The following PHRF1 variants were observed in gnomAD, a reference collection of about 807,000 sequenced individuals.
The protein encoded by PHRF1 is PHD and ring finger domains 1.
Under a neutral mutation model 128.9 loss-of-function variants are expected in PHRF1, and 53 were observed. The ratio of observed to expected loss-of-function variants is 0.41; its 90% CI spans 0.33 to 0.52. The LOEUF (loss-of-function observed/expected upper bound fraction) is 0.52, where lower values mean the gene tolerates loss of function less well. PHRF1 is among the 20% of genes least tolerant of loss of function. The pLI, the probability that PHRF1 is intolerant of heterozygous loss-of-function variation, is 0.21. For synonymous variants in PHRF1, 1,178 were observed against 980.6 expected, an observed-to-expected ratio of 1.20 and a Z score of -3.76; for missense variants, 2,503 against 2,284.5, an observed-to-expected ratio of 1.10 and a Z score of -1.95.
chr11:598,660 C>T (rs1007280335), intron 9 of PHRF1, among the ~76,000 whole-genome samples, 158 bp downstream of exon 9: 1 of 152,314 alleles, frequency 6.6e-6, no homozygotes, highest in East Asian at 1.9e-4. Flanking sequence ...GCGCCGGGCC[C>T]GGGAGGTGTG....
At position 608,851 on chromosome 11, in the gene PHRF1, T is replaced by G. The variant is rs1030000171; in HGVS notation, c.3395T>G (p.Leu1132Arg). ...ECSPTSSLERLCRHKHQRERS... is the reference protein window; with the variant it reads ...ECSPTSSLERRCRHKHQRERS... ...TCCCCCACCAGCAGCCTGGAGAGGC[T>G]CTGCAGGCACAAGCATCAGCGGGAA... is the stretch of plus-strand genomic sequence containing the variant. The change falls in exon 14 of 18, where the codon CTC becomes CGC. Residue 1132 changes from leucine to arginine, a missense_variant. Leu to Arg is a moderately radical substitution (Grantham distance 102). Coordinates refer to ENST00000264555, the MANE Select transcript of PHRF1 (RefSeq NM_001286581.2). The G allele has an allele frequency of 1.9e-6, 3 of 1,612,032 alleles. No homozygotes were observed. Among genetic ancestry groups the G allele is most frequent in the Non-Finnish European group, 2.5e-6 (3 of 1,179,752 alleles).
chr11:608,267 C>A lies in PHRF1; in HGVS notation c.2811C>A (p.Pro937=). The A allele has an allele frequency of 1.2e-6, 2 of 1,610,152 alleles. No individual in the cohort carries two copies. Among genetic ancestry groups the A allele is most frequent in the Non-Finnish European group, 1.7e-6 (2 of 1,179,536 alleles). The change falls in exon 14 of 18, where the codon CCC becomes CCA. Residue 937 remains proline, a synonymous_variant. Coordinates refer to ENST00000264555, the MANE Select transcript of PHRF1 (RefSeq NM_001286581.2). ...CTGCCCGGCTGCGGAGGCCATCCCC[C>A]CCAGAGCCCTGGGATGAGGAGGATG... ...GLAARLRRPS[P]PEPWDEEDGA...
intron 9 of PHRF1, among the ~76,000 whole-genome samples, chr11:599,732 C>G (rs1855518390): frequency 6.6e-6 from 1 of 152,044 alleles, no homozygotes; most frequent in African/African-American, 2.4e-5. Flanking sequence ...TCCTGGGGCT[C>G]CAGGGGACTC....
chr11:610,956 C>T lies in PHRF1; in HGVS notation c.4680C>T (p.Tyr1560=), dbSNP rs199904786. The stretch of plus-strand genomic sequence containing the variant: ...CATCACACACATGTCCCCTCTAGTA[C>T]ATGAAGAAGCTGCACATGCAGGAGC... The part of the protein sequence containing the change: ...LAAEKTKKEE[Y]MKKLHMQERA... Residue 1560 remains tyrosine, a splice_region_variant and synonymous_variant, in exon 17 of 18, where the codon TAC becomes TAT. Transcript: ENST00000264555. 515 of 1,612,988 alleles carry T rather than the reference C, an allele frequency of 3.2e-4. 5 individuals carry two copies. In the East Asian group the frequency reaches 0.011, roughly 35 times the overall value.
At position 610,640 on chromosome 11, in the gene PHRF1, C is replaced by T. The variant is rs1392411070; in HGVS notation, c.4556C>T (p.Ala1519Val). 5 of 1,605,008 alleles carry T rather than the reference C, an allele frequency of 3.1e-6. No individual in the cohort carries two copies. The highest frequency in any genetic ancestry group is 4.2e-6 in the Non-Finnish European group (5 of 1,179,822). Reference sequence around the variant, plus strand: ...GGCTGTGGGGCAGCACAGACCCTGGCCCCAGTGCCCGCTGCCCTGACCCCA... The same window carrying T: ...GGCTGTGGGGCAGCACAGACCCTGGTCCCAGTGCCCGCTGCCCTGACCCCA... ...LVGCGAAQTL[A>V]PVPAALTPAS... The change falls in exon 16 of 18, where the codon GCC becomes GTC. Residue 1519 changes from alanine to valine, a missense_variant. Physicochemically the swap from Ala to Val is moderately conservative, Grantham distance 64. Transcript: ENST00000264555.
chr11:605,186 G>A lies in PHRF1; in HGVS notation c.1220G>A (p.Cys407Tyr). Residue 407 changes from cysteine (C) to tyrosine (Y), a missense_variant, in exon 11 of 18, where the codon TGC (cysteine) becomes TAC (tyrosine). Physicochemically the swap from Cys to Tyr is radical, Grantham distance 194 (BLOSUM62 -2). Transcript: ENST00000264555. ...CTGCGCAGGCCTGTTCACAGCAGCT[G>A]CATCCCGTCAGTGTTGAAGCCAGTG... ...LGLRRPVHSS[C>Y]IPSVLKPVEP... 1 of 1,613,586 alleles carries A rather than the reference G, an allele frequency of 6.2e-7. No homozygotes were observed. The highest frequency in any genetic ancestry group is 8.5e-7 in the Non-Finnish European group (1 of 1,179,860).
intron 3 of PHRF1, among the ~76,000 whole-genome samples, chr11:585,717 G>A (rs774049704): frequency 7.6e-6 from 1 of 132,320 alleles, no homozygotes; most frequent in Non-Finnish European, 1.6e-5. Flanking sequence ...GTCTCGCTCT[G>A]TTGCCCAGGC....
chr11:600,913 C>G (rs919948693), intron 9 of PHRF1, among the ~76,000 whole-genome samples: 12 of 151,528 alleles, frequency 7.9e-5, no homozygotes, highest in Non-Finnish European at 1.6e-4. Context: ...TTGCAGTGAG[C>G]TGAGATCACG....
intron 2 of PHRF1, 60 bp from the exon 3 acceptor site, chr11:581,902 T>C (rs1854226400): frequency 6.7e-7 from 1 of 1,500,176 alleles, no homozygotes; most frequent in Non-Finnish European, 8.9e-7. Flanking sequence ...CAAAGCAACC[T>C]GCTCTCTGCT....
At chr11:581,092 G>A (rs142555368) in intron 1 of PHRF1, among the ~76,000 whole-genome samples, 4,581 of 152,144 alleles carry the variant, frequency 0.03, 193 homozygotes, top group African/African-American at 0.1. Context: ...CCAAAGTGCT[G>A]GGATTACAGG....
rs559674435 is a variant in PHRF1, at chr11:609,840, C to G, written c.4264+120C>G. The G allele has an allele frequency of 7.0e-4, 447 of 638,218 alleles. 1 individual carries two copies. The highest frequency in any genetic ancestry group is 3.9e-3 in the East Asian group (131 of 33,860). The allele number at this position is 638,218 out of a possible 1,614,324, so 39.5% of individuals were successfully genotyped here. ...GGCCTCCACCGAGGACAGAGCCCCC[C>G]GTGAGTAGGGCCCTGGCCTCCGCTG... On this transcript the variant is annotated intron_variant, in intron 14 of 17. Transcript: ENST00000264555.
chr11:589,855 C>T (rs55907139), intron 4 of PHRF1, among the ~76,000 whole-genome samples: 3,032 of 64,240 alleles, frequency 0.047, 191 homozygotes, highest in African/African-American at 0.1. Flanking sequence ...CAAACGGGCA[C>T]GGAGCGTGCG....
intron 3 of PHRF1, among the ~76,000 whole-genome samples, chr11:584,729 C>CTTTTT (rs869125196): frequency 3.2e-4 from 29 of 90,314 alleles, no homozygotes; most frequent in African/African-American, 7.6e-4. Context: ...TCTCCAGGAC[C>CTTTTT]TTTTTTTTTT....
intron 1 of PHRF1, among the ~76,000 whole-genome samples, chr11:579,256 C>A (rs10736899): frequency 0.064 from 9,665 of 151,770 alleles, 596 homozygotes; most frequent in East Asian, 0.33. Context: ...CCCTGCTCCT[C>A]CCCCCAGCCC....
chr11:583,973 C>T (rs1854370505), intron 3 of PHRF1, among the ~76,000 whole-genome samples: 1 of 152,230 alleles, frequency 6.6e-6, no homozygotes, highest in South Asian at 2.1e-4. Context: ...CCTCAAGTGG[C>T]TACTGTGATC....
At chr11:587,628 C>T (rs143687332) in intron 4 of PHRF1, among the ~76,000 whole-genome samples, 164 bp downstream of exon 4, 81 of 152,228 alleles carry the variant, frequency 5.3e-4, no homozygotes, top group Non-Finnish European at 1.0e-3. Flanking sequence ...TTGTGAGCAC[C>T]ATGGCTCTTG....
intron 1 of PHRF1, among the ~76,000 whole-genome samples, chr11:577,140 G>T (rs920449833): frequency 1.3e-5 from 2 of 152,334 alleles, no homozygotes; most frequent in Admixed American, 6.5e-5. Context: ...TGTGGCTGGC[G>T]GTTTTCCTAT....
intron 6 of PHRF1, among the ~76,000 whole-genome samples, chr11:594,900 AACG>A (rs1309881864): frequency 5.7e-5 from 4 of 70,260 alleles, no homozygotes; most frequent in African/African-American, 2.7e-4. Context: ...CAGATAAAAC[AACG>A]CAAGTACATA....
chr11:592,306 G>A lies in PHRF1; in HGVS notation c.505-253G>A, dbSNP rs547932987. On this transcript the variant is annotated intron_variant, in intron 5 of 17. Transcript: ENST00000264555. ...CCCTACTGCGGCCCACTTTGGGGCCGCAGGGCTTACCCGCTCCTTTCCGTG... is the reference window on the plus strand; with the variant it reads ...CCCTACTGCGGCCCACTTTGGGGCCACAGGGCTTACCCGCTCCTTTCCGTG... Among the ~76,000 whole-genome samples the A allele has an allele frequency of 1.2e-4, 18 of 151,640 alleles. 1 individual carries two copies. The East Asian group carries it at 3.3e-3, about 28-fold the overall frequency.
Sources: gnomAD v4.1 joint callset for allele counts (sites outside exome capture counted in the v4.1 genomes callset) on GRCh38, gnomAD v4.1.1 for gene constraint, MANE v1.5 for transcripts, NCBI Gene and HGNC (gene_info 2026-07-23, HGNC 2026-07-21) for gene names.